SAMD5: variants seen among roughly 807,000 people sequenced by gnomAD.
SAMD5 encodes the protein sterile alpha motif domain containing 5.
SAMD5 carries 13 observed loss-of-function variants against 11.3 expected under a neutral mutation model. The ratio of observed to expected loss-of-function variants is 1.15; its 90% CI spans 0.75 to 1.83. SAMD5 has a LOEUF of 1.83. Among genes scored for constraint, SAMD5 ranks in the 40% most tolerant of loss-of-function variants. SAMD5 has a pLI of 0.00. For synonymous variants in SAMD5, 129 were observed against 111.3 expected (o/e 1.16, Z -1.00); for missense variants, 255 against 239.1 (o/e 1.07, Z -0.44).
At chr6:147,751,881 A>G in the SAMD5 span, among the ~76,000 whole-genome samples, 2 of 152,196 alleles carry the variant, frequency 1.3e-5, no homozygotes, top group South Asian at 2.1e-4. Context: ...ACAAACGTAT[A>G]TAATAAATAG....
At chr6:147,915,444 T>C in the SAMD5 span, among the ~76,000 whole-genome samples, 10 of 152,332 alleles carry the variant, frequency 6.6e-5, no homozygotes, top group African/African-American at 2.4e-4. Context: ...ACAAATGAGT[T>C]TGAATACTAG....
chr6:147,874,344 T>C, the SAMD5 span, among the ~76,000 whole-genome samples: 1 of 152,216 alleles, frequency 6.6e-6, no homozygotes, highest in Non-Finnish European at 1.5e-5. Context: ...GCCCATGTGT[T>C]GCATTAGGTA....
At chr6:147,738,191 G>C (rs1583159802), downstream of SAMD5, among the ~76,000 whole-genome samples, 2 of 152,122 alleles carry the variant, frequency 1.3e-5, no homozygotes, top group East Asian at 3.9e-4. Context: ...AAAGGTATGG[G>C]AAATATATGG....
At chr6:147,919,021 G>T in the SAMD5 span, among the ~76,000 whole-genome samples, 2 of 152,122 alleles carry the variant, frequency 1.3e-5, no homozygotes, top group Non-Finnish European at 2.9e-5. Context: ...ACTCCAGATG[G>T]CTAACATATT....
At chr6:147,618,858 T>G (rs991027068) in intron 1 of SAMD5, among the ~76,000 whole-genome samples, 12 of 152,276 alleles carry the variant, frequency 7.9e-5, no homozygotes, top group Non-Finnish European at 1.3e-4. Context: ...TTCAAAGTAC[T>G]ATATTCCTGA....
intron 1 of SAMD5, among the ~76,000 whole-genome samples, chr6:147,685,112 A>C (rs905232054): frequency 1.3e-4 from 20 of 152,192 alleles, no homozygotes; most frequent in African/African-American, 4.8e-4. Flanking sequence ...CTCCTTTCTA[A>C]GTTTGGATCA....
At chr6:147,543,688 CTG>C (rs1469083943) in intron 1 of SAMD5, among the ~76,000 whole-genome samples, 2 of 152,146 alleles carry the variant, frequency 1.3e-5, no homozygotes, top group East Asian at 3.8e-4. Context: ...AAAGACAAAT[CTG>C]TGAAATATTA....
At chr6:147,718,709 G>T (rs568471358) in intron 1 of SAMD5, among the ~76,000 whole-genome samples, 1 of 151,286 alleles carries the variant, frequency 6.6e-6, no homozygotes, top group African/African-American at 2.4e-5. Flanking sequence ...CTTTTTTTTG[G>T]AGGCAAAGTC....
At chr6:147,673,734 A>G (rs1790827548) in intron 1 of SAMD5, among the ~76,000 whole-genome samples, 2 of 152,292 alleles carry the variant, frequency 1.3e-5, no homozygotes, top group African/African-American at 4.8e-5. Flanking sequence ...AGAACCTTAA[A>G]CATCAATTCT....
At chr6:147,871,065 T>TA in the SAMD5 span, among the ~76,000 whole-genome samples, 1 of 152,206 alleles carries the variant, frequency 6.6e-6, no homozygotes, top group Admixed American at 6.5e-5. Context: ...GTTGTTTTGA[T>TA]ATAATTACTT....
At chr6:147,830,847 G>A in the SAMD5 span, among the ~76,000 whole-genome samples, 5 of 152,154 alleles carry the variant, frequency 3.3e-5, no homozygotes, top group African/African-American at 9.7e-5. Flanking sequence ...GCAGTCACTG[G>A]GAATAGTAAC....
the SAMD5 span, among the ~76,000 whole-genome samples, chr6:147,827,794 A>ATTT: frequency 3.4e-3 from 501 of 146,262 alleles, 3 homozygotes; most frequent in African/African-American, 0.011. Flanking sequence ...CTAACATGAC[A>ATTT]TTTTTTTTTT....
the SAMD5 span, among the ~76,000 whole-genome samples, chr6:147,864,759 A>C: frequency 6.6e-6 from 1 of 152,230 alleles, no homozygotes; most frequent in Admixed American, 6.5e-5. Context: ...CTAGAGAGAA[A>C]GATGGTTACT....
chr6:147,635,465 A>T (rs954391410), intron 1 of SAMD5, among the ~76,000 whole-genome samples: 2 of 152,204 alleles, frequency 1.3e-5, no homozygotes, highest in Admixed American at 1.3e-4. Flanking sequence ...TGTTGCCTAT[A>T]TATTTTCTAA....
the SAMD5 span, among the ~76,000 whole-genome samples, chr6:147,861,171 C>CT: frequency 0.22 from 32,886 of 146,518 alleles, 3,854 homozygotes; most frequent in Non-Finnish European, 0.29. Flanking sequence ...GTGATTATTT[C>CT]TTTTTTTTTT....
intron 1 of SAMD5, among the ~76,000 whole-genome samples, chr6:147,729,099 G>A (rs73016103): frequency 0.073 from 11,037 of 152,186 alleles, 482 homozygotes; most frequent in Non-Finnish European, 0.091. Context: ...GCTTGCTGAC[G>A]GCAGCCCTCT....
the SAMD5 span, among the ~76,000 whole-genome samples, chr6:147,940,384 C>T: frequency 2.0e-5 from 3 of 152,114 alleles, no homozygotes; most frequent in African/African-American, 4.8e-5. Flanking sequence ...ACACACGGGG[C>T]ATGAGCACCA....
the SAMD5 span, among the ~76,000 whole-genome samples, chr6:147,799,586 T>C: frequency 4.6e-5 from 7 of 151,916 alleles, no homozygotes; most frequent in African/African-American, 1.7e-4. Context: ...TGTGGCGTTC[T>C]CTGTATTTCC....
the SAMD5 span, among the ~76,000 whole-genome samples, chr6:147,792,626 C>T: frequency 1.4e-4 from 22 of 152,076 alleles, no homozygotes; most frequent in African/African-American, 5.3e-4. Flanking sequence ...TAATTTCATC[C>T]TCTAATAAAA....
Sources: allele counts gnomAD v4.1 joint callset (sites outside exome capture counted in the v4.1 genomes callset), GRCh38; gene constraint gnomAD v4.1.1; transcripts MANE v1.5; gene names NCBI Gene and HGNC (gene_info 2026-07-23, HGNC 2026-07-21).